SEMA6D: variants seen among roughly 807,000 people sequenced by gnomAD.
The protein encoded by SEMA6D is semaphorin-6D.
Under a neutral mutation model 106.6 loss-of-function variants are expected in SEMA6D, and 35 were observed. That is an observed-to-expected ratio of 0.33 (90% CI 0.25 to 0.44). The LOEUF is 0.44. Among genes scored for constraint, SEMA6D ranks in the 20% least tolerant of loss-of-function variants. The probability of loss-of-function intolerance (pLI) is 1.00; values close to 1 mark genes in which losing one functional copy is unlikely to be tolerated. For missense variants in SEMA6D, 1,185 were observed against 1,345.9 expected (o/e 0.88, Z 1.87); for synonymous variants, 499 against 487.7 (o/e 1.02, Z -0.31).
intron 3 of SEMA6D, among the ~76,000 whole-genome samples, chr15:47,513,355 G>C (rs1387093919): frequency 6.6e-6 from 1 of 151,948 alleles, no homozygotes; most frequent in African/African-American, 2.4e-5. Flanking sequence ...ATATACTCTG[G>C]CTGATTTGTC....
intron 4 of SEMA6D, among the ~76,000 whole-genome samples, chr15:47,691,605 T>C (rs376401741): frequency 1.3e-5 from 2 of 152,150 alleles, no homozygotes; most frequent in East Asian, 1.9e-4. Context: ...ATTATAAATA[T>C]AAGGTTTCCA....
intron 1 of SEMA6D, among the ~76,000 whole-genome samples, chr15:47,279,436 TG>T (rs1388349456): frequency 6.9e-6 from 1 of 145,948 alleles, no homozygotes; most frequent in East Asian, 2.1e-4. Flanking sequence ...GCTGAGACAA[TG>T]GGGTTTTCTA....
chr15:47,643,898 C>G (rs945328767), intron 4 of SEMA6D, among the ~76,000 whole-genome samples: 4 of 152,146 alleles, frequency 2.6e-5, no homozygotes, highest in Admixed American at 6.5e-5. Context: ...TAACCAACCT[C>G]TTCTTATTCT....
At chr15:47,417,103 G>T (rs1003278218) in intron 2 of SEMA6D, among the ~76,000 whole-genome samples, 4 of 152,008 alleles carry the variant, frequency 2.6e-5, no homozygotes, top group African/African-American at 9.7e-5. Flanking sequence ...TGAGGGGAAA[G>T]GGGAGTTATA....
chr15:47,289,816 C>G (rs887073648), intron 1 of SEMA6D, among the ~76,000 whole-genome samples: 18 of 151,624 alleles, frequency 1.2e-4, no homozygotes, highest in Admixed American at 3.3e-4. Context: ...GCACTCAGCC[C>G]CAGCCTTATG....
chr15:47,343,892 GA>G (rs1363563190), intron 1 of SEMA6D, among the ~76,000 whole-genome samples: 1 of 151,812 alleles, frequency 6.6e-6, no homozygotes, highest in Non-Finnish European at 1.5e-5. Context: ...AAATTTACAA[GA>G]AAAAAACAAC....
At chr15:47,230,390 T>A (rs1310483175) in intron 1 of SEMA6D, among the ~76,000 whole-genome samples, 1 of 152,098 alleles carries the variant, frequency 6.6e-6, no homozygotes, top group Admixed American at 6.6e-5. Context: ...GCATGTAGAA[T>A]TCAAACAAGA....
At chr15:47,460,121 G>A (rs1342357273) in intron 2 of SEMA6D, among the ~76,000 whole-genome samples, 7 of 151,968 alleles carry the variant, frequency 4.6e-5, no homozygotes, top group Admixed American at 3.9e-4. Flanking sequence ...TCCCACCACT[G>A]TGTCTCTTCA....
intron 17 of SEMA6D, 133 bp downstream of exon 17, chr15:47,767,226 A>G (rs1051051958): frequency 7.0e-6 from 4 of 574,804 alleles, no homozygotes; most frequent in Non-Finnish European, 1.2e-5. Context: ...ATTCCCACTG[A>G]TGGTACCAAA....
chr15:47,426,600 A>G (rs535072408), intron 2 of SEMA6D, among the ~76,000 whole-genome samples: 2 of 152,104 alleles, frequency 1.3e-5, no homozygotes, highest in Non-Finnish European at 2.9e-5. Context: ...ATACAGAAGG[A>G]AAGATTTGAA....
intron 1 of SEMA6D, among the ~76,000 whole-genome samples, chr15:47,227,778 A>AATGATAT (rs1422657581): frequency 2.0e-5 from 3 of 149,936 alleles, no homozygotes; most frequent in African/African-American, 7.3e-5. Context: ...CTATAATTCT[A>AATGATAT]ATGATATATG....
intron 3 of SEMA6D, among the ~76,000 whole-genome samples, chr15:47,523,951 C>T (rs562107571): frequency 1.4e-4 from 22 of 152,264 alleles, no homozygotes; most frequent in African/African-American, 4.6e-4. Flanking sequence ...ACAAACAAAG[C>T]GGTTTCATTT....
At chr15:47,574,670 C>T (rs1421885655) in intron 3 of SEMA6D, among the ~76,000 whole-genome samples, 1 of 152,074 alleles carries the variant, frequency 6.6e-6, no homozygotes, top group African/African-American at 2.4e-5. Context: ...ATAATATTAC[C>T]AATTTAACCT....
chr15:47,530,504 C>G (rs2044925594), intron 3 of SEMA6D, among the ~76,000 whole-genome samples: 1 of 152,196 alleles, frequency 6.6e-6, no homozygotes, highest in Admixed American at 6.5e-5. Flanking sequence ...CCTTTCTTCT[C>G]TTTTAACAAA....
chr15:47,346,944 T>C (rs2144669203), intron 1 of SEMA6D, among the ~76,000 whole-genome samples: 1 of 152,248 alleles, frequency 6.6e-6, no homozygotes, highest in Non-Finnish European at 1.5e-5. Context: ...GGAGTCTCTC[T>C]GTCACCCAGG....
chr15:47,510,507 C>A (rs1406016927), intron 3 of SEMA6D, among the ~76,000 whole-genome samples: 1 of 152,106 alleles, frequency 6.6e-6, no homozygotes, highest in Non-Finnish European at 1.5e-5. Flanking sequence ...TGTGGATCAC[C>A]AAATATGTGC....
At chr15:47,196,598 T>G (rs1282008022) in intron 1 of SEMA6D, among the ~76,000 whole-genome samples, 1 of 152,234 alleles carries the variant, frequency 6.6e-6, no homozygotes, top group Non-Finnish European at 1.5e-5. Flanking sequence ...TCCACCTGAC[T>G]TAAAGCAAAT....
At chr15:47,450,354 A>T (rs2042152775) in intron 2 of SEMA6D, among the ~76,000 whole-genome samples, 1 of 152,100 alleles carries the variant, frequency 6.6e-6, no homozygotes, top group East Asian at 1.9e-4. Flanking sequence ...CACCTCCAGT[A>T]TACTGATCAG....
At chr15:47,644,232 A>G (rs756967720) in intron 4 of SEMA6D, among the ~76,000 whole-genome samples, 4 of 152,226 alleles carry the variant, frequency 2.6e-5, no homozygotes, top group Non-Finnish European at 5.9e-5. Flanking sequence ...AGTGTCCTGC[A>G]TATTGTGGAC....
Sources: allele counts gnomAD v4.1 joint callset (sites outside exome capture counted in the v4.1 genomes callset), GRCh38; gene constraint gnomAD v4.1.1; transcripts MANE v1.5; gene names NCBI Gene and HGNC (gene_info 2026-07-23, HGNC 2026-07-21).